PCDH11X: variants seen among roughly 807,000 people sequenced by gnomAD.
PCDH11X encodes protocadherin-11 X-linked.
A neutral mutation model predicts 53.3 loss-of-function variants in PCDH11X; 18 were observed. The observed-to-expected ratio is 0.34, with a 90% confidence interval of 0.23 to 0.50. The LOEUF is 0.50. Among genes scored for constraint, PCDH11X ranks in the 20% least tolerant of loss-of-function variants. The pLI, the probability that PCDH11X is intolerant of heterozygous loss-of-function variation, is 0.98. For missense variants in PCDH11X, 570 were observed against 1,032.4 expected (o/e 0.55, Z 6.14); for synonymous variants, 279 against 393.3 (o/e 0.71, Z 3.44).
intron 10 of PCDH11X, among the ~76,000 whole-genome samples, chrX:92,548,353 T>C (rs898449934): frequency 2.9e-4 from 32 of 110,706 alleles, no homozygotes; most frequent in Non-Finnish European, 5.5e-4. Flanking sequence ...GTAGTTTTTC[T>C]AGAGACAGGG....
intron 10 of PCDH11X, among the ~76,000 whole-genome samples, chrX:92,471,028 T>C (rs1367253680): frequency 9.3e-6 from 1 of 107,236 alleles, no homozygotes; most frequent in African/African-American, 3.4e-5. Context: ...TATTAGTTCT[T>C]TCTTAAATAT....
At chrX:92,385,331 T>C (rs1177823495) in intron 8 of PCDH11X, among the ~76,000 whole-genome samples, 1 of 103,350 alleles carries the variant, frequency 9.7e-6, no homozygotes, top group African/African-American at 3.5e-5. Context: ...CTGAAGCTTT[T>C]ATTTTCCTCT....
chrX:92,076,539 G>T (rs2063775682), intron 6 of PCDH11X, among the ~76,000 whole-genome samples: 1 of 111,167 alleles, frequency 9.0e-6, no homozygotes, highest in Non-Finnish European at 1.9e-5. Context: ...TGTTAAATGG[G>T]TTGGAACAGG....
intron 6 of PCDH11X, among the ~76,000 whole-genome samples, chrX:92,088,862 CATTCAT>C (rs2064002216): frequency 9.0e-6 from 1 of 110,679 alleles, no homozygotes. Flanking sequence ...AAAGGTAAAA[CATTCAT>C]ATATTATTTC....
chrX:92,052,672 T>C (rs1173019783), intron 6 of PCDH11X, among the ~76,000 whole-genome samples: 1 of 75,233 alleles, frequency 1.3e-5, no homozygotes, highest in Non-Finnish European at 2.5e-5. Flanking sequence ...ATTAATTTTT[T>C]TCTTTCCAAA....
chrX:92,076,789 T>G (rs1196647150), intron 6 of PCDH11X, among the ~76,000 whole-genome samples: 1 of 112,293 alleles, frequency 8.9e-6, no homozygotes, highest in Admixed American at 9.5e-5. Flanking sequence ...CCAGCTGGGC[T>G]TATTCAAAAT....
intron 9 of PCDH11X, among the ~76,000 whole-genome samples, chrX:92,430,983 C>T (rs928328285): frequency 4.6e-5 from 5 of 108,436 alleles, no homozygotes; most frequent in Non-Finnish European, 9.6e-5. Context: ...TTTCATTTTA[C>T]TTATTCTTCT....
At chrX:92,317,026 G>A (rs2755356) in intron 8 of PCDH11X, among the ~76,000 whole-genome samples, 2 of 111,187 alleles carry the variant, frequency 1.8e-5, no homozygotes, top group Non-Finnish European at 3.8e-5. Context: ...AAAAAATTGC[G>A]GTCAAGGGGG....
chrX:92,379,587 A>T (rs1283878551), intron 8 of PCDH11X, among the ~76,000 whole-genome samples: 2 of 111,374 alleles, frequency 1.8e-5, no homozygotes, highest in Non-Finnish European at 1.9e-5. Flanking sequence ...AGAAAAGGGC[A>T]TGTCCCTGGT....
intron 10 of PCDH11X, among the ~76,000 whole-genome samples, chrX:92,551,474 G>T (rs1217237617): frequency 1.9e-5 from 2 of 104,673 alleles, no homozygotes. Context: ...TTTGTCAGAT[G>T]GGTAGGTTGC....
chrX:91,876,679 A>G (rs1939631253), intron 5 of PCDH11X, 102 bp from the exon 6 acceptor site: 1 of 860,256 alleles, frequency 1.2e-6, no homozygotes, highest in Admixed American at 6.0e-5. Context: ...TTCTCATTAG[A>G]TAAGCTAACA....
chrX:92,244,581 T>A (rs2067314102), intron 7 of PCDH11X, among the ~76,000 whole-genome samples: 1 of 111,641 alleles, frequency 9.0e-6, no homozygotes, highest in Non-Finnish European at 1.9e-5. Flanking sequence ...AACCAGAATT[T>A]GTTAAGTGCT....
intron 9 of PCDH11X, among the ~76,000 whole-genome samples, chrX:92,429,519 C>T (rs983029446): frequency 9.4e-6 from 1 of 106,833 alleles, no homozygotes; most frequent in Non-Finnish European, 1.9e-5. Flanking sequence ...CCCCAGCTAA[C>T]GAAAAGCTAG....
At position 92,135,757 on chromosome X, in the gene PCDH11X, TTGTGTG is replaced by T. The variant is rs575523392; in HGVS notation, c.3034-65594_3034-65589del. On this transcript the variant is annotated intron_variant, in intron 6 of 10. Coordinates refer to ENST00000682573, the MANE Select transcript of PCDH11X (RefSeq NM_032968.5). ...TATGTACATAGATGTGTGTGCATGT[TTGTGTG>T]TGTGTGTGTGTGTGTGTGTGTGTAT... Among the ~76,000 whole-genome samples, 58 of 100,181 alleles carry T rather than the reference TTGTGTG, an allele frequency of 5.8e-4. 1 individual carries two copies. In the South Asian group the frequency reaches 0.024, roughly 41 times the overall value. The allele number at this position is 100,181 out of a possible 115,157, so 87.0% of individuals were successfully genotyped here. A position where few individuals can be genotyped will look rare whatever the true frequency, so the allele number is the denominator to read the frequency against.
At chrX:92,162,102 G>C (rs1262086561) in intron 6 of PCDH11X, among the ~76,000 whole-genome samples, 1 of 88,618 alleles carries the variant, frequency 1.1e-5, no homozygotes, top group African/African-American at 4.3e-5. Context: ...ACCTTGTTTT[G>C]TCATATTATG....
intron 10 of PCDH11X, among the ~76,000 whole-genome samples, chrX:92,571,223 T>C (rs1308163818): frequency 7.2e-5 from 8 of 111,074 alleles, no homozygotes; most frequent in African/African-American, 2.6e-4. Context: ...CTTGATCACA[T>C]GCTTACAATT....
chrX:92,515,064 GA>G (rs1429751896), intron 10 of PCDH11X, among the ~76,000 whole-genome samples: 7 of 69,781 alleles, frequency 1.0e-4, no homozygotes, highest in East Asian at 5.6e-4. Flanking sequence ...AAAAAAAAAA[GA>G]AAAGAAAAGA....
chrX:92,148,570 C>T (rs1235568531), intron 6 of PCDH11X, among the ~76,000 whole-genome samples: 6 of 107,911 alleles, frequency 5.6e-5, no homozygotes, highest in African/African-American at 2.0e-4. Flanking sequence ...TGATAGAACA[C>T]ATTAGAACTG....
At chrX:92,008,797 A>T (rs1348966964) in intron 6 of PCDH11X, among the ~76,000 whole-genome samples, 1 of 110,662 alleles carries the variant, frequency 9.0e-6, no homozygotes, top group African/African-American at 3.3e-5. Flanking sequence ...TTAATGAAAT[A>T]AGTTTTCATT....
Sources: allele counts gnomAD v4.1 joint callset (sites outside exome capture counted in the v4.1 genomes callset), GRCh38; gene constraint gnomAD v4.1.1; transcripts MANE v1.5; gene names NCBI Gene and HGNC (gene_info 2026-07-23, HGNC 2026-07-21).